Variants in SEMA4G observed in about 807,000 individuals in gnomAD.
The protein encoded by SEMA4G is semaphorin 4G, also known as semaphorin-4G.
Under a neutral mutation model 81.2 loss-of-function variants are expected in SEMA4G, and 59 were observed. The ratio of observed to expected loss-of-function variants is 0.73; its 90% confidence interval spans 0.59 to 0.90. The LOEUF (loss-of-function observed/expected upper bound fraction) is 0.90, where lower values mean the gene tolerates loss of function less well. SEMA4G is among the 40% of genes least tolerant of loss of function. The probability of loss-of-function intolerance (pLI) is 0.00; values close to 1 mark genes in which losing one functional copy is unlikely to be tolerated. For missense variants in SEMA4G, 952 were observed against 1,102.3 expected, an observed-to-expected ratio of 0.86 and a Z score of 1.93; for synonymous variants, 404 against 433.9, an observed-to-expected ratio of 0.93 and a Z score of 0.86.
At chr10:100,984,182 G>C in exon 14 of SEMA4G, 1 of 1,551,732 alleles carries the variant, frequency 6.4e-7, no homozygotes, top group Non-Finnish European at 8.7e-7. Context: ...TCTGTCCCAG[G>C]CTGGGCCACT....
Position 100,980,002 on chromosome 10 carries a change from C to T in SEMA4G, c.1128+10C>T. 1 of 1,613,938 alleles carries T rather than the reference C, an allele frequency of 6.2e-7. No homozygotes were observed. The highest frequency in any genetic ancestry group is 8.5e-7 in the Non-Finnish European group (1 of 1,179,978). On this transcript the variant is annotated intron_variant, in intron 9 of 13. Transcript: ENST00000370250. Reference sequence around the variant, plus strand: ...GCCCCGGCCTGGCTCGGTGAGTGCCCAGGCCTGGGGCCAGTGCTGAGTAGA... The same window carrying T: ...GCCCCGGCCTGGCTCGGTGAGTGCCTAGGCCTGGGGCCAGTGCTGAGTAGA...
exon 14 of SEMA4G, chr10:100,984,193 GCCTC>G: frequency 1.3e-6 from 2 of 1,538,234 alleles, no homozygotes; most frequent in Non-Finnish European, 1.7e-6. Context: ...CTGGGCCACT[GCCTC>G]CCTAACACAG....
chr10:100,972,203 T>C (rs575680622), upstream of SEMA4G, among the ~76,000 whole-genome samples: 1 of 152,092 alleles, frequency 6.6e-6, no homozygotes, highest in Non-Finnish European at 1.5e-5. Context: ...TTGCATCTCA[T>C]TGTTGGGAGA....
At position 100,978,836 on chromosome 10, in the gene SEMA4G, G is replaced by C. The variant is rs1850919861; in HGVS notation, c.644-13G>C. ...GCCTGTCTCAAAAGCCTCTCAAACT[G>C]CCTGACCCACAGATGCGGAGTTTGT... On this transcript the variant is annotated splice_polypyrimidine_tract_variant and intron_variant, in intron 6 of 13. Coordinates refer to ENST00000370250, the Ensembl canonical transcript of SEMA4G. The C allele has an allele frequency of 2.5e-6, 4 of 1,612,048 alleles. No homozygotes were observed. The highest frequency in any genetic ancestry group is 4.5e-5 in the East Asian group (2 of 44,832).
At chr10:100,975,743 T>C (rs899598726) in intron 3 of SEMA4G, among the ~76,000 whole-genome samples, 3 of 151,926 alleles carry the variant, frequency 2.0e-5, no homozygotes, top group Admixed American at 6.6e-5. Flanking sequence ...ATGCGAGTAG[T>C]AGTCCCAGTC....
downstream of SEMA4G, chr10:100,985,360 T>A (rs549209014): frequency 6.4e-6 from 1 of 156,084 alleles, no homozygotes; most frequent in East Asian, 1.9e-4. Context: ...CTGACTGAGC[T>A]CCCCCATTCC....
upstream of SEMA4G, among the ~76,000 whole-genome samples, chr10:100,972,008 C>A (rs190476867): frequency 2.6e-5 from 4 of 151,902 alleles, no homozygotes; most frequent in East Asian, 3.9e-4. Flanking sequence ...GAGATGTGCA[C>A]CCCCTTGGAG....
rs772781924 is a variant in SEMA4G at position 100,981,245 on chromosome 10, G to C, written c.1690+16G>C. 8 of 1,613,640 alleles carry C rather than the reference G, an allele frequency of 5.0e-6. No homozygotes were observed. The South Asian group carries it at 7.7e-5, about 16-fold the overall frequency. ...AGGGATACAGGTAAGTGACTCATAT[G>C]AGTGTGGGTCTAGCTACGCAGACTG... On this transcript the variant is annotated intron_variant, in intron 13 of 13. Coordinates refer to ENST00000370250, the Ensembl canonical transcript of SEMA4G.
downstream of SEMA4G, chr10:100,984,934 G>A (rs1851361189): frequency 6.9e-7 from 1 of 1,438,924 alleles, no homozygotes; most frequent in Non-Finnish European, 9.1e-7. Flanking sequence ...ATGCACATGT[G>A]GTAACACACA....
chr10:100,976,863 T>C (rs1418662424), intron 3 of SEMA4G, among the ~76,000 whole-genome samples: 1 of 152,186 alleles, frequency 6.6e-6, no homozygotes, highest in Non-Finnish European at 1.5e-5. Flanking sequence ...TATAAAGTCG[T>C]TTTTATAAAA....
chr10:100,973,656 C>A lies in SEMA4G; in HGVS notation c.336+47C>A, dbSNP rs776368723. The A allele has an allele frequency of 2.6e-6, 4 of 1,557,222 alleles. No individual in the cohort carries two copies. The Admixed American group carries it at 6.8e-5, about 26-fold the overall frequency. On this transcript the variant is annotated intron_variant, in intron 3 of 13. Transcript: ENST00000370250. The surrounding 1 kb of genome is among the most constrained non-coding windows in gnomAD (Gnocchi z 5.5). The stretch of plus-strand genomic sequence containing the variant: ...CAGCTCCTTTCCTCCCCTTCTTCCT[C>A]AATCAGGGATGCCAGGATTGTTGGG...
At chr10:100,984,656 C>A in exon 14 of SEMA4G, 1 of 1,536,244 alleles carries the variant, frequency 6.5e-7, no homozygotes, top group East Asian at 2.4e-5. Context: ...AGTGCCCCCA[C>A]CCTCACCTTC....
At chr10:100,983,406 A>C in exon 14 of SEMA4G, 4 of 1,612,394 alleles carry the variant, frequency 2.5e-6, no homozygotes, top group Non-Finnish European at 2.5e-6. Context: ...GTGGCTACTC[A>C]ATGGGAGCAT....
upstream of SEMA4G, among the ~76,000 whole-genome samples, chr10:100,970,323 A>G (rs1850595043): frequency 1.3e-5 from 2 of 149,030 alleles, no homozygotes; most frequent in East Asian, 2.0e-4. Context: ...GCCCCCTCCC[A>G]CAGGTTAAGT....
At chr10:100,985,178 G>A (rs1851377980), downstream of SEMA4G, 1 of 356,694 alleles carries the variant, frequency 2.8e-6, no homozygotes. Flanking sequence ...AGCAGGGAAA[G>A]GGAGGAGAAA....
chr10:100,976,079 G>T (rs1012244930), intron 3 of SEMA4G, among the ~76,000 whole-genome samples: 1 of 151,968 alleles, frequency 6.6e-6, no homozygotes, highest in South Asian at 2.1e-4. Flanking sequence ...TTATGGAGAC[G>T]GGGGACAGAT....
chr10:100,979,232 G>C (rs749963260), exon 8 of SEMA4G: 1 of 1,614,034 alleles, frequency 6.2e-7, no homozygotes, highest in South Asian at 1.1e-5. Flanking sequence ...ACCTCAAGCC[G>C]TACACACTTC....
chr10:100,984,649 GC>G, exon 14 of SEMA4G: 1 of 1,536,160 alleles, frequency 6.5e-7, no homozygotes, highest in Non-Finnish European at 8.7e-7. Context: ...GGGCTGCAGT[GC>G]CCCCACCCTC....
chr10:100,983,827 A>T (rs1188499233), exon 14 of SEMA4G: 1 of 1,599,970 alleles, frequency 6.3e-7, no homozygotes, highest in East Asian at 2.3e-5. Flanking sequence ...CCTGGAGAGG[A>T]AGATGAGGGT....
Sources: allele counts gnomAD v4.1 joint callset (sites outside exome capture counted in the v4.1 genomes callset), GRCh38; gene constraint gnomAD v4.1.1; non-coding constraint Gnocchi (gnomAD v3.1); transcripts MANE v1.5; gene names NCBI Gene and HGNC (gene_info 2026-07-23, HGNC 2026-07-21).